The following CRPPA variants were observed in gnomAD, a reference collection of about 807,000 sequenced individuals.
The protein encoded by CRPPA is CDP-L-ribitol pyrophosphorylase A.
A neutral mutation model predicts 52.0 loss-of-function variants in CRPPA; 43 were observed. That is an observed-to-expected ratio of 0.83 (90% confidence interval 0.65 to 1.07). The LOEUF is 1.07. Ranked by LOEUF, CRPPA falls within the 50% of genes least tolerant of loss-of-function variation. The pLI is 0.00. For synonymous variants in CRPPA, 250 were observed against 203.5 expected (o/e 1.23, Z -1.94); for missense variants, 629 against 551.7 (o/e 1.14, Z -1.40).
chr7:16,370,603 A>G (rs750783945), intron 3 of CRPPA, among the ~76,000 whole-genome samples: 55 of 152,268 alleles, frequency 3.6e-4, no homozygotes, highest in Non-Finnish European at 7.3e-4. Flanking sequence ...GTGGGACAAG[A>G]GAATCTAAAC....
chr7:16,410,949 G>A (rs977287269), intron 1 of CRPPA, among the ~76,000 whole-genome samples: 10 of 152,290 alleles, frequency 6.6e-5, no homozygotes, highest in African/African-American at 2.2e-4. Context: ...TCAGCTTGCA[G>A]AGTGCTTATA....
At chr7:16,299,026 C>T (rs534224540) in intron 5 of CRPPA, among the ~76,000 whole-genome samples, 95 of 152,332 alleles carry the variant, frequency 6.2e-4, no homozygotes, top group Non-Finnish European at 1.2e-3. Flanking sequence ...TCCATCATCA[C>T]GTGAGCCAAT....
chr7:16,099,859 T>G (rs1782007954), intron 9 of CRPPA, among the ~76,000 whole-genome samples: 2 of 152,202 alleles, frequency 1.3e-5, no homozygotes, highest in Admixed American at 6.5e-5. Flanking sequence ...AAAAATGTTT[T>G]GATCCTACAC....
intron 3 of CRPPA, among the ~76,000 whole-genome samples, chr7:16,312,411 A>G (rs1180699000): frequency 6.6e-6 from 1 of 152,028 alleles, no homozygotes; most frequent in African/African-American, 2.4e-5. Flanking sequence ...CAAATTACAC[A>G]TGTTCATGCT....
intron 9 of CRPPA, among the ~76,000 whole-genome samples, chr7:16,175,772 G>A (rs952447399): frequency 1.3e-5 from 2 of 152,092 alleles, no homozygotes; most frequent in African/African-American, 4.8e-5. Context: ...TTTTACAAAT[G>A]AAGCAGGGAA....
chr7:16,293,244 G>C (rs1462588882), intron 5 of CRPPA, among the ~76,000 whole-genome samples: 1 of 151,866 alleles, frequency 6.6e-6, no homozygotes, highest in South Asian at 2.1e-4. Context: ...GAGCCTCATG[G>C]TCCACTGTAC....
At chr7:16,156,724 T>C (rs576581225) in intron 9 of CRPPA, among the ~76,000 whole-genome samples, 3 of 152,368 alleles carry the variant, frequency 2.0e-5, no homozygotes, top group East Asian at 1.9e-4. Context: ...CCAGTCTTCA[T>C]GTTAAACGAT....
At chr7:16,118,266 T>C (rs1782417506) in intron 9 of CRPPA, among the ~76,000 whole-genome samples, 1 of 152,134 alleles carries the variant, frequency 6.6e-6, no homozygotes, top group Non-Finnish European at 1.5e-5. Context: ...GTGGTGGTCT[T>C]ACCAAGATGG....
intron 3 of CRPPA, among the ~76,000 whole-genome samples, chr7:16,317,566 T>C (rs145443638): frequency 9.2e-5 from 14 of 152,272 alleles, no homozygotes; most frequent in Non-Finnish European, 1.8e-4. Context: ...GATTCATTCA[T>C]GTTGTTAAAA....
chr7:16,164,458 C>T (rs1781003338), intron 9 of CRPPA, among the ~76,000 whole-genome samples: 5 of 152,166 alleles, frequency 3.3e-5, no homozygotes, highest in Admixed American at 3.3e-4. Context: ...TTAGAACCTG[C>T]TCCTTTAGCT....
chr7:16,211,690 C>A (rs1487282195), intron 9 of CRPPA, among the ~76,000 whole-genome samples: 2 of 152,064 alleles, frequency 1.3e-5, no homozygotes, highest in South Asian at 2.1e-4. Context: ...TAAATGCGGA[C>A]CTTTGAGATG....
intron 9 of CRPPA, among the ~76,000 whole-genome samples, chr7:16,136,888 T>C (rs1315863974): frequency 7.1e-6 from 1 of 140,174 alleles, no homozygotes; most frequent in Non-Finnish European, 1.6e-5. Flanking sequence ...GTATTCCCTA[T>C]ATCTGATAGC....
chr7:16,236,944 G>GCA (rs1491110505), intron 8 of CRPPA, among the ~76,000 whole-genome samples: 3 of 136,364 alleles, frequency 2.2e-5, no homozygotes, highest in African/African-American at 1.0e-4. Context: ...GAGCTTTCGT[G>GCA]CGCGCGCACA....
chr7:16,397,293 A>C (rs1344923986), intron 2 of CRPPA, among the ~76,000 whole-genome samples: 1 of 152,232 alleles, frequency 6.6e-6, no homozygotes, highest in Non-Finnish European at 1.5e-5. Context: ...AATTGTGACA[A>C]GTCACTGACA....
intron 8 of CRPPA, among the ~76,000 whole-genome samples, chr7:16,231,198 C>T (rs1782786454): frequency 6.6e-6 from 1 of 152,158 alleles, no homozygotes; most frequent in Non-Finnish European, 1.5e-5. Context: ...AGGAGTAACA[C>T]AGGTAACAAA....
chr7:16,277,278 A>G (rs1356840433), intron 6 of CRPPA: 1 of 150,254 alleles, frequency 6.7e-6, no homozygotes, highest in African/African-American at 2.5e-5. Flanking sequence ...AGGCAGGAGA[A>G]TCACTTGAAC....
intron 9 of CRPPA, among the ~76,000 whole-genome samples, chr7:16,126,282 TTTGTCCAGAGAAATACCAGTGTCTTAGG>T (rs1232680641): frequency 6.6e-5 from 10 of 152,248 alleles, no homozygotes; most frequent in Non-Finnish European, 7.4e-5. Context: ...ATGTGGGCAC[TTTGTCCAGAGAAATACCAGTGTCTTAGG>T]TTTCTGGGAA....
intron 4 of CRPPA, among the ~76,000 whole-genome samples, chr7:16,306,378 G>A (rs1481623881): frequency 1.3e-5 from 2 of 152,186 alleles, no homozygotes; most frequent in African/African-American, 4.8e-5. Flanking sequence ...GCACATAAAA[G>A]GGGAGCAGAG....
intron 9 of CRPPA, chr7:16,209,015 C>A: frequency 2.3e-6 from 1 of 435,018 alleles, no homozygotes. Flanking sequence ...CATGAAGTGA[C>A]ACAGGGCAAG....
Sources: gnomAD v4.1 joint callset for allele counts (sites outside exome capture counted in the v4.1 genomes callset) on GRCh38, gnomAD v4.1.1 for gene constraint, MANE v1.5 for transcripts, NCBI Gene and HGNC (gene_info 2026-07-23, HGNC 2026-07-21) for gene names.